CACNA2D4: variants seen among roughly 807,000 people sequenced by gnomAD.
CACNA2D4 encodes calcium voltage-gated channel auxiliary subunit alpha2delta 4.
In CACNA2D4, 157 loss-of-function variants were observed where a neutral mutation model predicts 163.8. The ratio of observed to expected loss-of-function variants is 0.96; its 90% CI spans 0.84 to 1.09. The LOEUF (loss-of-function observed/expected upper bound fraction) is 1.09. Ranked by LOEUF, CACNA2D4 falls within the 50% of genes least tolerant of loss-of-function variation. The pLI is 0.00. For missense variants in CACNA2D4, 1,410 were observed against 1,479.9 expected, an observed-to-expected ratio of 0.95 and a Z score of 0.78; for synonymous variants, 598 against 586.9, an observed-to-expected ratio of 1.02 and a Z score of -0.27.
intron 6 of CACNA2D4, among the ~76,000 whole-genome samples, chr12:1,905,239 A>T (rs1206503350): frequency 6.6e-6 from 1 of 152,132 alleles, no homozygotes; most frequent in Non-Finnish European, 1.5e-5. Context: ...ATGGAAAATC[A>T]CATCCCAAAT....
chr12:1,845,184 C>T (rs1489006453), intron 24 of CACNA2D4, among the ~76,000 whole-genome samples: 1 of 152,140 alleles, frequency 6.6e-6, no homozygotes, highest in African/African-American at 2.4e-5. Flanking sequence ...AGCAACCTGC[C>T]TTGTGACACA....
chr12:1,797,889 G>A, intron 34 of CACNA2D4, among the ~76,000 whole-genome samples: 1 of 152,190 alleles, frequency 6.6e-6, no homozygotes, highest in East Asian at 1.9e-4. Context: ...GGGGAGCAGA[G>A]GCAGTAGGGG....
chr12:1,885,398 C>T (rs528116620), intron 9 of CACNA2D4, among the ~76,000 whole-genome samples: 2 of 152,264 alleles, frequency 1.3e-5, no homozygotes, highest in East Asian at 3.9e-4. Flanking sequence ...GACCACAGCC[C>T]GCAGCCCGCA....
chr12:1,899,640 A>G (rs747635868), intron 6 of CACNA2D4, among the ~76,000 whole-genome samples: 3 of 152,180 alleles, frequency 2.0e-5, no homozygotes, highest in African/African-American at 7.2e-5. Context: ...CAGTAATTTT[A>G]TCTTCCCATA....
At position 1,897,366 on chromosome 12, in the gene CACNA2D4, T is replaced by C. The variant is rs79911475; in HGVS notation, c.781+10074A>G. Among the ~76,000 whole-genome samples the C allele has an allele frequency of 8.5e-3, 1,289 of 152,282 alleles. 15 individuals are homozygous for C. Among genetic ancestry groups the C allele is most frequent in the African/African-American group, 0.03 (1,243 of 41,546 alleles). On this transcript the variant is annotated intron_variant, in intron 6 of 37. Transcript: ENST00000382722. ...ACTGCATTGTATATTTCACAATAGT[T>C]AGAAGAGAGGACTTGAAATGTTCCC...
intron 6 of CACNA2D4, among the ~76,000 whole-genome samples, chr12:1,905,298 A>C (rs778781735): frequency 6.6e-6 from 1 of 152,132 alleles, no homozygotes; most frequent in Non-Finnish European, 1.5e-5. Flanking sequence ...ATAATCAAAA[A>C]CAAGACCAGG....
intron 26 of CACNA2D4, among the ~76,000 whole-genome samples, chr12:1,818,999 AT>A (rs1339591955): frequency 7.5e-5 from 9 of 120,748 alleles, no homozygotes; most frequent in Admixed American, 1.7e-4. Context: ...TACTAAAAAA[AT>A]TAAAAAAAAA....
chr12:1,810,478 G>T lies in CACNA2D4; in HGVS notation c.2658+65C>A, dbSNP rs1015397020. 7 of 1,534,008 alleles carry T rather than the reference G, an allele frequency of 4.6e-6. No individual in the cohort carries two copies. The South Asian group carries it at 4.7e-5, about 10-fold the overall frequency. On this transcript the variant is annotated intron_variant, in intron 28 of 37. Coordinates refer to ENST00000382722, the MANE Select transcript of CACNA2D4 (RefSeq NM_172364.5). Reference sequence around the variant, plus strand: ...GCATTTGGGAGAGGGAAGCTGGCCTGCCAGGAGGACCGGGCGGAGGGCCAT... The same window carrying T: ...GCATTTGGGAGAGGGAAGCTGGCCTTCCAGGAGGACCGGGCGGAGGGCCAT...
At chr12:1,903,645 A>G (rs1866588609) in intron 6 of CACNA2D4, among the ~76,000 whole-genome samples, 1 of 152,104 alleles carries the variant, frequency 6.6e-6, no homozygotes, top group South Asian at 2.1e-4. Flanking sequence ...TTATCAGAGA[A>G]ACACAAATCA....
At position 1,913,044 on chromosome 12, in the gene CACNA2D4, C is replaced by T. The variant is rs1866872312; in HGVS notation, c.405G>A (p.Arg135=). ...KFSEDMENML[R]RKVEAVQNLV... ...GTACCTGGACCGCCTCGACTTTCCTCCGCAGCATGTTCTCCATGTCCTCTG... is the reference window on the plus strand; with the variant it reads ...GTACCTGGACCGCCTCGACTTTCCTTCGCAGCATGTTCTCCATGTCCTCTG... The change falls in exon 3 of 38, where the codon CGG becomes CGA. Residue 135 remains arginine, a synonymous_variant. Coordinates refer to ENST00000382722, the MANE Select transcript of CACNA2D4 (RefSeq NM_172364.5). 2.5e-6 allele frequency: 4 copies of T among 1,613,444 alleles called. No individual in the cohort carries two copies. The highest frequency in any genetic ancestry group is 2.5e-6 in the Non-Finnish European group (3 of 1,179,422).
Position 1,886,370 on chromosome 12 carries a change from G to C in CACNA2D4, c.846C>G (p.Tyr282Ter), listed in dbSNP as rs776513970. The C allele has an allele frequency of 5.0e-6, 8 of 1,613,428 alleles. No individual in the cohort carries two copies. In the South Asian group the frequency reaches 8.8e-5, roughly 18 times the overall value. ...CCTTGGGAGAAGTAGCAGCTTGAAT[G>C]TACCTGAAGGAAGAAAGGGACATGC... is the stretch of plus-strand genomic sequence containing the variant. ...ITFDCRNRGW[Y>*]IQAATSPKDI... Residue 282 changes from tyrosine to a stop codon, truncating the protein, a stop_gained, in exon 8 of 38, where the codon TAC (tyrosine) becomes TAG (stop). Coordinates refer to ENST00000382722, the MANE Select transcript of CACNA2D4 (RefSeq NM_172364.5). LOFTEE classifies it high-confidence loss of function.
At chr12:1,849,342 T>C (rs1865223982) in intron 23 of CACNA2D4, among the ~76,000 whole-genome samples, 1 of 152,258 alleles carries the variant, frequency 6.6e-6, no homozygotes, top group Non-Finnish European at 1.5e-5. Context: ...AAGATCTTGG[T>C]TCTTAATGAC....
At position 1,818,580 on chromosome 12, in the gene CACNA2D4, G is replaced by A. The variant is rs578013086; in HGVS notation, c.2552-6857C>T. 2.7e-4 allele frequency among the ~76,000 whole-genome samples: 41 copies of A among 151,138 alleles called. 1 individual carries two copies. Among genetic ancestry groups the A allele is most frequent in the African/African-American group, 9.1e-4 (37 of 40,682 alleles). ...ACAGATGCTTGAAGGCAGCATGCTC[G>A]TTAAAAGTCATCACCACTCCCTAAT... On this transcript the variant is annotated intron_variant, in intron 26 of 37. Coordinates refer to ENST00000382722, the MANE Select transcript of CACNA2D4 (RefSeq NM_172364.5).
intron 22 of CACNA2D4, among the ~76,000 whole-genome samples, 158 bp from the exon 23 acceptor site, chr12:1,854,202 G>A (rs1416798572): frequency 6.6e-6 from 1 of 152,136 alleles, no homozygotes; most frequent in East Asian, 1.9e-4. Flanking sequence ...CCTCACCTCT[G>A]TCTGTCTTCA....
chr12:1,892,973 C>A (rs535045662), intron 6 of CACNA2D4, among the ~76,000 whole-genome samples: 28 of 152,306 alleles, frequency 1.8e-4, no homozygotes, highest in Middle Eastern at 3.4e-3. Flanking sequence ...GCACCCAACA[C>A]TGGAACACCC....
rs746419497 is a variant in CACNA2D4 at position 1,811,682 on chromosome 12, A to T, written c.2593T>A (p.Phe865Ile). 8 of 1,560,446 alleles carry T rather than the reference A, an allele frequency of 5.1e-6. No individual in the cohort carries two copies. The highest frequency in any genetic ancestry group is 5.2e-6 in the Non-Finnish European group (6 of 1,151,790). ...CCTACCTGCCGCGTTGCCGCCCAGA[A>T]TTTGCGCTGGAGGAATTCCAGCTTC... ...QMKLEFLQRK[F>I]WAATRQCSTV... Residue 865 changes from phenylalanine (F) to isoleucine (I), a missense_variant, in exon 27 of 38, where the codon TTC (phenylalanine) becomes ATC (isoleucine). Coordinates refer to ENST00000382722, the MANE Select transcript of CACNA2D4 (RefSeq NM_172364.5).
At chr12:1,909,275 T>C (rs1866754139) in intron 4 of CACNA2D4, among the ~76,000 whole-genome samples, 2 of 152,202 alleles carry the variant, frequency 1.3e-5, no homozygotes, top group Non-Finnish European at 2.9e-5. Context: ...CACTGCAAGC[T>C]CCGCCTCCCG....
chr12:1,819,282 T>C (rs942140737), intron 26 of CACNA2D4, among the ~76,000 whole-genome samples: 2 of 152,086 alleles, frequency 1.3e-5, no homozygotes, highest in Middle Eastern at 3.4e-3. Flanking sequence ...GACAGTGGGA[T>C]GTGTGGGAGG....
rs77059867 is a variant in CACNA2D4, at chr12:1,888,378, C to T, written c.782-1309G>A. Among the ~76,000 whole-genome samples, 765 of 152,246 alleles carry T rather than the reference C, an allele frequency of 5.0e-3. 28 individuals are homozygous for T. The East Asian group carries it at 0.095, about 19-fold the overall frequency. On this transcript the variant is annotated intron_variant, in intron 6 of 37. Coordinates refer to ENST00000382722, the MANE Select transcript of CACNA2D4 (RefSeq NM_172364.5). ...CAGACCCACTGGACTCTGAAGAGGA[C>T]AAGCAGCATGGCCTCACAAGCAAAG... is the stretch of plus-strand genomic sequence containing the variant.
Sources: gnomAD v4.1 joint callset for allele counts (sites outside exome capture counted in the v4.1 genomes callset) on GRCh38, gnomAD v4.1.1 for gene constraint, MANE v1.5 for transcripts, NCBI Gene and HGNC (gene_info 2026-07-23, HGNC 2026-07-21) for gene names.